AKAP8L: variants seen among roughly 807,000 people sequenced by gnomAD.
The protein encoded by AKAP8L is A-kinase anchoring protein 8 like.
In AKAP8L, 34 loss-of-function variants were observed where a neutral mutation model predicts 77.5. The observed-to-expected ratio is 0.44, with a 90% CI of 0.33 to 0.58. AKAP8L has a LOEUF of 0.58. Ranked by LOEUF, AKAP8L falls within the 20% of genes least tolerant of loss-of-function variation. The pLI is 0.02. For missense variants in AKAP8L, 806 were observed against 887.6 expected, an observed-to-expected ratio of 0.91 and a Z score of 1.17; for synonymous variants, 342 against 340.7, an observed-to-expected ratio of 1.00 and a Z score of -0.04.
chr19:15,405,253 G>A (rs1460752615), intron 2 of AKAP8L, among the ~76,000 whole-genome samples: 13 of 152,224 alleles, frequency 8.5e-5, no homozygotes. Context: ...AACACACAAG[G>A]CTGGGTGCAG....
At chr19:15,391,532 TATTTTA>T (rs1568264276) in intron 12 of AKAP8L, among the ~76,000 whole-genome samples, 2 of 148,958 alleles carry the variant, frequency 1.3e-5, no homozygotes, top group African/African-American at 4.9e-5. Flanking sequence ...TTTTTATTTT[TATTTTA>T]TTTTATTTAT....
intron 2 of AKAP8L, among the ~76,000 whole-genome samples, chr19:15,405,067 G>A (rs990847421): frequency 2.0e-5 from 3 of 152,228 alleles, no homozygotes; most frequent in African/African-American, 7.2e-5. Context: ...TGTATCCCCT[G>A]AGCACAGGGA....
intron 12 of AKAP8L, among the ~76,000 whole-genome samples, chr19:15,386,769 C>T (rs1383134737): frequency 6.6e-6 from 1 of 152,198 alleles, no homozygotes; most frequent in Non-Finnish European, 1.5e-5. Flanking sequence ...AACAATTCTC[C>T]TGCCTCAGCC....
chr19:15,406,590 C>T (rs1394324291), intron 2 of AKAP8L, among the ~76,000 whole-genome samples: 5 of 152,118 alleles, frequency 3.3e-5, no homozygotes, highest in Non-Finnish European at 1.5e-5. Context: ...CCTCAGCCTC[C>T]GGAGTGGCTG....
Position 15,403,059 on chromosome 19 carries a change from C to T in AKAP8L, c.362+416G>A, listed in dbSNP as rs925863669. On this transcript the variant is annotated intron_variant, in intron 4 of 13. Transcript: ENST00000397410. This position sits in a 1 kb window ranked among gnomAD's most constrained non-coding sequence, Gnocchi z 4.3. ...ACCCTTACGTGGGGGTGGCCCAGCT[C>T]GCAGTGATCAGCCCCAAACGCTCGT... Among the ~76,000 whole-genome samples, 2 of 152,164 alleles carry T rather than the reference C, an allele frequency of 1.3e-5. No individual in the cohort carries two copies. The highest frequency in any genetic ancestry group is 2.4e-5 in the African/African-American group (1 of 41,442).
intron 12 of AKAP8L, among the ~76,000 whole-genome samples, chr19:15,394,553 GT>G (rs924014943): frequency 2.0e-5 from 3 of 151,854 alleles, no homozygotes; most frequent in African/African-American, 7.3e-5. Context: ...CATTTGTTTG[GT>G]TTTTTTAGAG....
At chr19:15,400,229 TG>T in intron 8 of AKAP8L, 65 bp downstream of exon 8, 1 of 1,546,790 alleles carries the variant, frequency 6.5e-7, no homozygotes, top group Non-Finnish European at 8.9e-7. Flanking sequence ...TGCCCTCAGC[TG>T]GGTCCCTCCC....
At chr19:15,413,209 G>T (rs1196726005) in intron 1 of AKAP8L, among the ~76,000 whole-genome samples, 1 of 152,130 alleles carries the variant, frequency 6.6e-6, no homozygotes, top group Non-Finnish European at 1.5e-5. Flanking sequence ...GGTCCAAAAG[G>T]GTCTGAACAC....
intron 12 of AKAP8L, among the ~76,000 whole-genome samples, chr19:15,396,678 G>A (rs1041534419): frequency 2.0e-5 from 3 of 152,160 alleles, no homozygotes; most frequent in African/African-American, 7.2e-5. Flanking sequence ...TCTGGAGACT[G>A]CAGGAGCTCC....
At chr19:15,404,284 C>T in intron 2 of AKAP8L, 1 of 525,370 alleles carries the variant, frequency 1.9e-6, no homozygotes, top group Non-Finnish European at 3.4e-6. Context: ...ACACTCTCAA[C>T]TAAGGAACTT....
intron 12 of AKAP8L, among the ~76,000 whole-genome samples, chr19:15,395,677 G>C (rs1967755225): frequency 6.6e-6 from 1 of 150,918 alleles, no homozygotes; most frequent in African/African-American, 2.4e-5. Flanking sequence ...ACCCCTACTA[G>C]TTCCTAGCAT....
Position 15,380,242 on chromosome 19 carries a change from GGGCGGCGGCGGT to G in AKAP8L, c.1809_1820del (p.Pro605_Pro608del). On this transcript the variant is annotated inframe_deletion, in exon 14 of 14. Coordinates refer to ENST00000397410, the MANE Select transcript of AKAP8L (RefSeq NM_014371.4). ...CGGCGCCCTCCTCCTCCTCCTCTGG[GGGCGGCGGCGGT>G]GGCGGCGACACGGCCCCGGGGGCTG... The G allele has an allele frequency of 1.3e-6, 2 of 1,500,020 alleles. No homozygotes were observed. Among genetic ancestry groups the G allele is most frequent in the Non-Finnish European group, 1.8e-6 (2 of 1,134,722 alleles). 92.9% of individuals were successfully genotyped at this position (1,500,020 alleles called of 1,614,324 possible). A position where few individuals can be genotyped will look rare whatever the true frequency, so the allele number is the denominator to read the frequency against.
At chr19:15,400,408 T>A (rs756016904) in intron 7 of AKAP8L, 50 bp from the exon 8 acceptor site, 1 of 1,524,836 alleles carries the variant, frequency 6.6e-7, no homozygotes, top group South Asian at 1.2e-5. Flanking sequence ...TTTTTTTTTT[T>A]TAAAAGAAAC....
rs1257848873 is a variant in AKAP8L at position 15,401,233 on chromosome 19, C to T, written c.733G>A (p.Gly245Ser). 19 of 1,613,278 alleles carry T rather than the reference C, an allele frequency of 1.2e-5. No homozygotes were observed. The Middle Eastern group carries it at 4.9e-4, about 42-fold the overall frequency. ...GMRGGGAFPG[G>S]SRFGFGFGNG... ...CCAAACCCGAAACCAAAGCGGGAGC[C>T]GCCCGGGAAGGCGCCCCCACCTCGC... Residue 245 changes from glycine to serine, a missense_variant, in exon 5 of 14, where the codon GGC becomes AGC. Transcript: ENST00000397410. This position sits in a 1 kb window ranked among gnomAD's most constrained non-coding sequence, Gnocchi z 6.2.
Position 15,397,250 on chromosome 19 carries a change from A to G in AKAP8L, c.1436T>C (p.Val479Ala). 1 of 1,613,960 alleles carries G rather than the reference A, an allele frequency of 6.2e-7. No individual in the cohort carries two copies. Among genetic ancestry groups the G allele is most frequent in the Non-Finnish European group, 8.5e-7 (1 of 1,179,876 alleles). ...EIAMEHFVKK[V>A]EAAHCAACDL... Reference sequence around the variant, plus strand: ...GCAGGCTGCACAATGGGCTGCCTCCACCTTCTTCACAAAATGCTCCATGGC... The same window carrying G: ...GCAGGCTGCACAATGGGCTGCCTCCGCCTTCTTCACAAAATGCTCCATGGC... Residue 479 changes from valine (V) to alanine (A), a missense_variant, in exon 12 of 14, where the codon GTG (valine) becomes GCG (alanine). Around this residue, in one of 2 missense-constraint regions of AKAP8L, gnomAD observed 580 missense variants for 694.1 expected, o/e 0.84. Transcript: ENST00000397410. The surrounding 1 kb of genome is among the most constrained non-coding windows in gnomAD (Gnocchi z 4.7).
chr19:15,408,576 A>G (rs867191850), intron 2 of AKAP8L, among the ~76,000 whole-genome samples: 1 of 121,564 alleles, frequency 8.2e-6, no homozygotes, highest in Non-Finnish European at 1.7e-5. Flanking sequence ...AAAAAAAAAA[A>G]AAAGAAAGAA....
At chr19:15,414,059 CTTTTTTTTT>C (rs755252182) in intron 1 of AKAP8L, among the ~76,000 whole-genome samples, 2 of 119,974 alleles carry the variant, frequency 1.7e-5, no homozygotes, top group Non-Finnish European at 3.5e-5. Flanking sequence ...ATGAATAATT[CTTTTTTTTT>C]TTTTTTTTTT....
intron 1 of AKAP8L, 55 bp downstream of exon 1, chr19:15,418,856 G>C: frequency 1.3e-6 from 2 of 1,542,606 alleles, no homozygotes; most frequent in Non-Finnish European, 8.8e-7. Flanking sequence ...TGCGGCATCC[G>C]CACGTCCCTG....
intron 12 of AKAP8L, among the ~76,000 whole-genome samples, chr19:15,396,629 C>T (rs936020566): frequency 2.0e-5 from 3 of 152,190 alleles, no homozygotes; most frequent in Non-Finnish European, 2.9e-5. Context: ...CCTTCAACTG[C>T]TCTTCTCCCC....
Sources: gnomAD v4.1 joint callset for allele counts (sites outside exome capture counted in the v4.1 genomes callset) on GRCh38, gnomAD v4.1.1 for gene constraint, gnomAD v4.1.1 regional missense constraint, Gnocchi (gnomAD v3.1) non-coding constraint, MANE v1.5 for transcripts, NCBI Gene and HGNC (gene_info 2026-07-23, HGNC 2026-07-21) for gene names.